Variants in SERINC5 observed in about 807,000 individuals in gnomAD.
SERINC5 encodes chromosome 5 open reading frame 12.
Under a neutral mutation model 63.1 loss-of-function variants are expected in SERINC5, and 41 were observed. The ratio of observed to expected loss-of-function variants is 0.65; its 90% CI spans 0.51 to 0.84. The LOEUF is 0.84. Among genes scored for constraint, SERINC5 ranks in the 40% least tolerant of loss-of-function variants. The probability of loss-of-function intolerance (pLI) is 0.00; values close to 1 mark genes in which losing one functional copy is unlikely to be tolerated. For synonymous variants in SERINC5, 222 were observed against 215.2 expected (o/e 1.03, Z -0.28); for missense variants, 523 against 573.0 (o/e 0.91, Z 0.89).
chr5:80,230,601 C>T (rs1324091611), intron 1 of SERINC5, among the ~76,000 whole-genome samples: 2 of 152,142 alleles, frequency 1.3e-5, no homozygotes, highest in Non-Finnish European at 2.9e-5. Flanking sequence ...CACTCCCTTA[C>T]AAGTGCCGTC....
chr5:80,130,055 A>C (rs1001596397), intron 11 of SERINC5, among the ~76,000 whole-genome samples: 4 of 152,142 alleles, frequency 2.6e-5, no homozygotes, highest in African/African-American at 4.8e-5. Context: ...TTTTTGACCA[A>C]CTGTTTTTCT....
intron 1 of SERINC5, among the ~76,000 whole-genome samples, chr5:80,218,014 T>C (rs1331006107): frequency 6.6e-6 from 1 of 152,202 alleles, no homozygotes; most frequent in Non-Finnish European, 1.5e-5. Flanking sequence ...CTTCTGTATC[T>C]ACTGTGCAAT....
In SERINC5 at chr5:80,200,169, T is replaced by G. The variant is rs149865194; in HGVS notation, c.195+2717A>C. 5.2e-3 allele frequency among the ~76,000 whole-genome samples: 791 copies of G among 151,886 alleles called. 4 individuals are homozygous for G. The highest frequency in any genetic ancestry group is 0.014 in the Middle Eastern group (4 of 292). On this transcript the variant is annotated intron_variant, in intron 2 of 11. Transcript: ENST00000507668. ...CGAGACTCGTAATTTCTGCCTTGTTTTAGGCCTTAGAAGACTTTATAACTT... is the reference window on the plus strand; with the variant it reads ...CGAGACTCGTAATTTCTGCCTTGTTGTAGGCCTTAGAAGACTTTATAACTT...
At chr5:80,155,029 G>A (rs934925859) in intron 8 of SERINC5, among the ~76,000 whole-genome samples, 2 of 152,300 alleles carry the variant, frequency 1.3e-5, no homozygotes, top group South Asian at 2.1e-4. Context: ...AAGGTTGCCC[G>A]AAGTTGGGAG....
At chr5:80,187,764 C>T (rs1030265102) in intron 2 of SERINC5, among the ~76,000 whole-genome samples, 8 of 152,222 alleles carry the variant, frequency 5.3e-5, no homozygotes, top group South Asian at 2.1e-4. Context: ...ACTGAGAATG[C>T]GAGTTCACAG....
rs753127575 is a variant in SERINC5 at position 80,158,867 on chromosome 5, T to C, written c.955A>G (p.Ser319Gly). The C allele has an allele frequency of 3.7e-6, 6 of 1,613,602 alleles. No homozygotes were observed. The highest frequency in any genetic ancestry group is 5.1e-6 in the Non-Finnish European group (6 of 1,179,786). Residue 319 changes from serine to glycine, a missense_variant, in exon 8 of 12, where the codon AGC becomes GGC. Ser to Gly is a moderately conservative substitution (Grantham distance 56). Coordinates refer to ENST00000507668, the MANE Select transcript of SERINC5 (RefSeq NM_001174072.3). ...DENLVTILGT[S>G]LLIGCILYSC... is the part of the protein sequence containing the mutation. ...TACAAGATACATCCGATTAAGAGGCTGGTCCCCAGTATAGTCACCAAGTTT... is the reference window on the plus strand; with the variant it reads ...TACAAGATACATCCGATTAAGAGGCCGGTCCCCAGTATAGTCACCAAGTTT...
intron 8 of SERINC5, among the ~76,000 whole-genome samples, chr5:80,154,565 C>T (rs780959417): frequency 1.3e-5 from 2 of 152,246 alleles, no homozygotes; most frequent in Admixed American, 1.3e-4. Context: ...AAATCTCCCC[C>T]TCTCCTGGTG....
intron 1 of SERINC5, among the ~76,000 whole-genome samples, chr5:80,254,230 C>T (rs796338713): frequency 8.4e-4 from 56 of 66,286 alleles, no homozygotes; most frequent in African/African-American, 3.0e-3. Flanking sequence ...AGCCTGTTTG[C>T]TTTTCTTTTA....
intron 1 of SERINC5, 121 bp from the exon 2 acceptor site, chr5:80,203,174 G>C: frequency 1.0e-6 from 1 of 969,078 alleles, no homozygotes; most frequent in Non-Finnish European, 1.6e-6. Context: ...AGGATCACTT[G>C]AGACTAGGAT....
At chr5:80,130,934 TA>T (rs1363501074) in intron 11 of SERINC5, among the ~76,000 whole-genome samples, 1 of 152,184 alleles carries the variant, frequency 6.6e-6, no homozygotes, top group Non-Finnish European at 1.5e-5. Context: ...AAAATGTATA[TA>T]GTTGGCTGGA....
intron 1 of SERINC5, among the ~76,000 whole-genome samples, chr5:80,212,677 G>T (rs1750491620): frequency 6.8e-6 from 1 of 146,604 alleles, no homozygotes; most frequent in African/African-American, 2.5e-5. Flanking sequence ...GGGGGGGGGT[G>T]TTGGTAAACC....
At chr5:80,146,765 T>G (rs1328263447) in intron 10 of SERINC5, among the ~76,000 whole-genome samples, 1 of 152,196 alleles carries the variant, frequency 6.6e-6, no homozygotes, top group African/African-American at 2.4e-5. Context: ...CTGCCACATT[T>G]ATTTTAACAG....
At position 80,205,392 on chromosome 5, in the gene SERINC5, C is replaced by T. The variant is rs149543610; in HGVS notation, c.28-2339G>A. ...GGTTTCAAAAGGAACCTGTCAAAAT[C>T]CATGAGCCTAAGGATGAATGTACAA... On this transcript the variant is annotated intron_variant, in intron 1 of 11. Coordinates refer to ENST00000507668, the MANE Select transcript of SERINC5 (RefSeq NM_001174072.3). 2.2e-3 allele frequency among the ~76,000 whole-genome samples: 336 copies of T among 152,324 alleles called. 1 individual carries two copies. The highest frequency in any genetic ancestry group is 7.7e-3 in the African/African-American group (320 of 41,558).
chr5:80,200,070 A>G (rs1749731882), intron 2 of SERINC5, among the ~76,000 whole-genome samples: 1 of 152,158 alleles, frequency 6.6e-6, no homozygotes, highest in Non-Finnish European at 1.5e-5. Flanking sequence ...AGGCAGGAGG[A>G]TCGATTGAGC....
chr5:80,251,632 A>G (rs1158681709), intron 1 of SERINC5, among the ~76,000 whole-genome samples: 1 of 151,380 alleles, frequency 6.6e-6, no homozygotes, highest in East Asian at 2.0e-4. Context: ...CAGGAGGCTG[A>G]GGCAGGAGAA....
chr5:80,217,152 GTT>G (rs1488504812), intron 1 of SERINC5, among the ~76,000 whole-genome samples: 1 of 150,880 alleles, frequency 6.6e-6, no homozygotes, highest in Non-Finnish European at 1.5e-5. Context: ...ATTAAAATAA[GTT>G]TATTTAAAAG....
At chr5:80,170,113 A>G (rs114761254) in intron 5 of SERINC5, among the ~76,000 whole-genome samples, 534 of 152,302 alleles carry the variant, frequency 3.5e-3, no homozygotes, top group African/African-American at 0.012. Context: ...AACATTCAAA[A>G]AGGGAGTAAA....
chr5:80,169,371 T>C lies in SERINC5; in HGVS notation c.727A>G (p.Ile243Val), dbSNP rs1747500421. The change falls in exon 6 of 12, where the codon ATA (isoleucine) becomes GTA (valine). Residue 243 changes from isoleucine (I) to valine (V), a missense_variant. By Grantham distance (29) the Ile-to-Val change is conservative (BLOSUM62 3). Transcript: ENST00000507668. ...LGVNGGLCLLISLVAISPWVQ... is the reference protein window; with the variant it reads ...LGVNGGLCLLVSLVAISPWVQ... ...CAGGGTGAGATGGCTACCAATGATATAAGCAGGCACAGGCCTCCATTTACT... is the reference window on the plus strand; with the variant it reads ...CAGGGTGAGATGGCTACCAATGATACAAGCAGGCACAGGCCTCCATTTACT... 1.9e-6 allele frequency: 3 copies of C among 1,614,014 alleles called. No individual in the cohort carries two copies. The highest frequency in any genetic ancestry group is 1.7e-6 in the Non-Finnish European group (2 of 1,179,868).
chr5:80,201,955 G>A lies in SERINC5; in HGVS notation c.195+931C>T, dbSNP rs116777509. On this transcript the variant is annotated intron_variant, in intron 2 of 11. Transcript: ENST00000507668. The stretch of plus-strand genomic sequence containing the variant: ...GCTGCTATTTGAAATCCTGGCAGGC[G>A]GCCAGGCACAGTGGCTCACGCCTGT... 8.3e-3 allele frequency among the ~76,000 whole-genome samples: 1,266 copies of A among 152,110 alleles called. 9 individuals are homozygous for A. The highest frequency in any genetic ancestry group is 0.015 in the South Asian group (70 of 4,808).
Sources: allele counts gnomAD v4.1 joint callset (sites outside exome capture counted in the v4.1 genomes callset), GRCh38; gene constraint gnomAD v4.1.1; transcripts MANE v1.5; gene names NCBI Gene and HGNC (gene_info 2026-07-23, HGNC 2026-07-21).